The following SEPTIN9 variants were observed in gnomAD, a reference collection of about 807,000 sequenced individuals.
SEPTIN9 encodes the protein septin 9, also known as septin-9.
Under a neutral mutation model 56.6 loss-of-function variants are expected in SEPTIN9, and 13 were observed. The observed-to-expected ratio is 0.23, with a 90% CI of 0.15 to 0.37. The LOEUF is 0.37. Among genes scored for constraint, SEPTIN9 ranks in the 10% least tolerant of loss-of-function variants. The pLI is 1.00. For synonymous variants in SEPTIN9, 332 were observed against 334.1 expected (o/e 0.99, Z 0.07); for missense variants, 650 against 823.1 (o/e 0.79, Z 2.57).
At chr17:77,376,074 A>G in intron 2 of SEPTIN9, 2 of 985,918 alleles carry the variant, frequency 2.0e-6, no homozygotes, top group African/African-American at 1.7e-5. Context: ...ACTAGCTAGC[A>G]GGGGAGAAGT....
chr17:77,408,955 T>C (rs1265318715), intron 3 of SEPTIN9, among the ~76,000 whole-genome samples: 1 of 152,104 alleles, frequency 6.6e-6, no homozygotes, highest in Non-Finnish European at 1.5e-5. Flanking sequence ...AGGGACTCAC[T>C]GGTGTCTGAT....
At position 77,354,544 on chromosome 17, in the gene SEPTIN9, A is replaced by C. The variant is rs534197124; in HGVS notation, c.76+47347A>C. Reference sequence around the variant, plus strand: ...TTTCCAGCTGGGGGAGGGCTGAACGACCCCTCACTCTTGGAGGCTGCCGGA... The same window carrying C: ...TTTCCAGCTGGGGGAGGGCTGAACGCCCCCTCACTCTTGGAGGCTGCCGGA... On this transcript the variant is annotated intron_variant, in intron 2 of 11. Transcript: ENST00000427177. Among the ~76,000 whole-genome samples the C allele has an allele frequency of 2.0e-4, 30 of 151,332 alleles. 1 individual carries two copies. The East Asian group carries it at 5.3e-3, about 27-fold the overall frequency.
chr17:77,490,918 C>G (rs2039998626), intron 8 of SEPTIN9, 59 bp downstream of exon 8: 2 of 1,285,784 alleles, frequency 1.6e-6, no homozygotes, highest in African/African-American at 3.0e-5. Flanking sequence ...CGCTGCAGGC[C>G]TGGCAGGGGC....
rs1296370638 is a variant in SEPTIN9, at chr17:77,498,818, C to T, written c.*160C>T. ...GGAAACAAGGGAAGGGGCCTCCCTC[C>T]GAGTGAGTCAGTGATGAGGCCGCGG... On this transcript the variant is annotated 3_prime_UTR_variant, in exon 12 of 12. Coordinates refer to ENST00000427177, the MANE Select transcript of SEPTIN9 (RefSeq NM_001113491.2). 10 of 635,638 alleles carry T rather than the reference C, an allele frequency of 1.6e-5. 1 individual carries two copies. The highest frequency in any genetic ancestry group is 1.5e-4 in the East Asian group (5 of 32,896). 39.4% of individuals were successfully genotyped at this position (635,638 alleles called of 1,614,324 possible). A position where few individuals can be genotyped will look rare whatever the true frequency, so the allele number is the denominator to read the frequency against.
At chr17:77,333,618 TTC>T (rs1029165980) in intron 2 of SEPTIN9, among the ~76,000 whole-genome samples, 19 of 152,238 alleles carry the variant, frequency 1.2e-4, no homozygotes, top group Non-Finnish European at 2.8e-4. Flanking sequence ...TTCTTTGTGG[TTC>T]TCTCTCTGTG....
At position 77,482,213 on chromosome 17, in the gene SEPTIN9, C is replaced by T. The variant is rs745391514; in HGVS notation, c.791C>T (p.Ala264Val). The change falls in exon 4 of 12, where the codon GCG (alanine) becomes GTG (valine). Residue 264 changes from alanine to valine, a missense_variant. Ala to Val is a moderately conservative substitution (Grantham distance 64). This residue lies in a region of SEPTIN9 where 333 missense variants were observed against 494.0 expected (regional missense o/e 0.67). Coordinates refer to ENST00000427177, the MANE Select transcript of SEPTIN9 (RefSeq NM_001113491.2). The part of the protein sequence containing the change: ...DTPRDAGLKQ[A>V]PASRNEKAPV... Reference sequence around the variant, plus strand: ...CCCAGAGATGCCGGGCTCAAGCAGGCGCCTGCATCACGGAACGAGAAGGCC... The same window carrying T: ...CCCAGAGATGCCGGGCTCAAGCAGGTGCCTGCATCACGGAACGAGAAGGCC... The T allele has an allele frequency of 3.2e-5, 52 of 1,612,130 alleles. No individual in the cohort carries two copies. The highest frequency in any genetic ancestry group is 4.3e-5 in the Non-Finnish European group (51 of 1,179,598).
intron 2 of SEPTIN9, among the ~76,000 whole-genome samples, chr17:77,357,614 T>C (rs1797854670): frequency 6.6e-6 from 1 of 152,056 alleles, no homozygotes; most frequent in Non-Finnish European, 1.5e-5. Context: ...CCCTCCCCTC[T>C]CCTTTCCTTT....
At chr17:77,485,773 C>T (rs930672812) in intron 4 of SEPTIN9, among the ~76,000 whole-genome samples, 1 of 152,008 alleles carries the variant, frequency 6.6e-6, no homozygotes, top group Non-Finnish European at 1.5e-5. Context: ...CTCTGTCCTC[C>T]CAGGAGCCCA....
rs111522601 is a variant in SEPTIN9 at position 77,498,619 on chromosome 17, C to A, written c.1722C>A (p.Asn574Lys). 6.2e-7 allele frequency: 1 copy of A among 1,610,486 alleles called. No homozygotes were observed. The highest frequency in any genetic ancestry group is 2.2e-5 in the East Asian group (1 of 44,664). ...RLNEGSSAMA[N>K]GMEEKEPEAP... ...ACGAGGGCAGCAGCGCCATGGCCAA[C>A]GGCATGGAGGAGAAGGAGCCAGAAG... The change falls in exon 12 of 12, where the codon AAC becomes AAA. Residue 574 changes from asparagine to lysine, a missense_variant. Coordinates refer to ENST00000427177, the MANE Select transcript of SEPTIN9 (RefSeq NM_001113491.2).
intron 3 of SEPTIN9, among the ~76,000 whole-genome samples, chr17:77,465,963 G>C (rs763247939): frequency 7.2e-5 from 11 of 151,960 alleles, no homozygotes; most frequent in Admixed American, 6.6e-4. Flanking sequence ...GACCTTCCTG[G>C]GGGAGGCTGG....
At chr17:77,444,539 C>T (rs757948127) in intron 3 of SEPTIN9, among the ~76,000 whole-genome samples, 1 of 151,632 alleles carries the variant, frequency 6.6e-6, no homozygotes, top group Non-Finnish European at 1.5e-5. Flanking sequence ...AAGGGGGAGA[C>T]CTGAGGCAAG....
chr17:77,311,533 C>T (rs1458058391), intron 2 of SEPTIN9, among the ~76,000 whole-genome samples: 1 of 152,196 alleles, frequency 6.6e-6, no homozygotes, highest in Non-Finnish European at 1.5e-5. Flanking sequence ...CGCTGCCTCC[C>T]TTCATCCTAT....
chr17:77,487,293 G>A lies in SEPTIN9; in HGVS notation c.914-131G>A, dbSNP rs998792185. ...TCGGGGGCTGCTTGGCAGGGATATT[G>A]CCGGGAGGTAGCCCAGGCACTGCTG... On this transcript the variant is annotated intron_variant, in intron 4 of 11. Transcript: ENST00000427177. This position sits in a 1 kb window ranked among gnomAD's most constrained non-coding sequence, Gnocchi z 4.3. The A allele has an allele frequency of 4.0e-6, 4 of 992,590 alleles. No individual in the cohort carries two copies. In the African/African-American group the frequency reaches 4.8e-5, roughly 12 times the overall value. The allele number at this position is 992,590 out of a possible 1,614,324, so 61.5% of individuals were successfully genotyped here.
intron 1 of SEPTIN9, among the ~76,000 whole-genome samples, chr17:77,291,857 G>A (rs1228932535): frequency 6.6e-6 from 1 of 152,192 alleles, no homozygotes; most frequent in Non-Finnish European, 1.5e-5. Context: ...TGCGCATGAT[G>A]AGTCCCTTTT....
rs554180717 is a variant in SEPTIN9 at position 77,463,254 on chromosome 17, T to C, written c.722-18890T>C. On this transcript the variant is annotated intron_variant, in intron 3 of 11. Transcript: ENST00000427177. ...ATTTACTATGCCAAGGCACTGTATC[T>C]TGGAGTGTGCGTTCCAAGCCCTGTT... Among the ~76,000 whole-genome samples, 10 of 152,314 alleles carry C rather than the reference T, an allele frequency of 6.6e-5. No individual in the cohort carries two copies. In the East Asian group the frequency reaches 1.9e-3, roughly 29 times the overall value.
At chr17:77,308,791 A>G (rs1198922558) in intron 2 of SEPTIN9, among the ~76,000 whole-genome samples, 1 of 152,138 alleles carries the variant, frequency 6.6e-6, no homozygotes, top group Non-Finnish European at 1.5e-5. Context: ...TGGACTGTGC[A>G]CCACCAGGCC....
intron 1 of SEPTIN9, among the ~76,000 whole-genome samples, chr17:77,293,389 TG>T (rs1437028666): frequency 2.6e-5 from 4 of 152,128 alleles, no homozygotes; most frequent in African/African-American, 9.7e-5. Flanking sequence ...CTTGTACTCC[TG>T]GGTTTATGTG....
Position 77,449,584 on chromosome 17 carries a change from C to A in SEPTIN9, c.722-32560C>A, listed in dbSNP as rs561708905. On this transcript the variant is annotated intron_variant, in intron 3 of 11. Transcript: ENST00000427177. This position sits in a 1 kb window ranked among gnomAD's most constrained non-coding sequence, Gnocchi z 4.6. The stretch of plus-strand genomic sequence containing the variant: ...CTGCCCACGGGGAGGGAGAGGCCCA[C>A]GGGGCAGGGGCGTGGTGGGAGCTGC... Among the ~76,000 whole-genome samples, 3 of 152,298 alleles carry A rather than the reference C, an allele frequency of 2.0e-5. No homozygotes were observed. Among genetic ancestry groups the A allele is most frequent in the African/African-American group, 7.2e-5 (3 of 41,566 alleles).
chr17:77,299,044 TC>T (rs2031929232), intron 1 of SEPTIN9, among the ~76,000 whole-genome samples: 1 of 152,198 alleles, frequency 6.6e-6, no homozygotes, highest in African/African-American at 2.4e-5. Context: ...TGGAGCAGGC[TC>T]CCAGCCATTG....
Sources: allele counts gnomAD v4.1 joint callset (sites outside exome capture counted in the v4.1 genomes callset), GRCh38; gene constraint gnomAD v4.1.1; regional missense constraint gnomAD v4.1.1; non-coding constraint Gnocchi (gnomAD v3.1); transcripts MANE v1.5; gene names NCBI Gene and HGNC (gene_info 2026-07-23, HGNC 2026-07-21).